Variants in DIS3 observed in about 807,000 individuals in gnomAD.
DIS3 encodes DIS3 exosome endoribonuclease and 3'-5' exoribonuclease.
DIS3 carries 103 observed loss-of-function variants against 113.0 expected under a neutral mutation model. The observed-to-expected ratio is 0.91, with a 90% CI of 0.78 to 1.07. The LOEUF is 1.07. Among genes scored for constraint, DIS3 ranks in the 50% least tolerant of loss-of-function variants. DIS3 has a pLI of 0.00. For synonymous variants in DIS3, 402 were observed against 394.3 expected (o/e 1.02, Z -0.23); for missense variants, 1,121 against 1,167.1 (o/e 0.96, Z 0.58).
chr13:72,763,709 A>G, intron 15 of DIS3, 102 bp from the exon 16 acceptor site: 1 of 1,160,262 alleles, frequency 8.6e-7, no homozygotes, highest in South Asian at 1.6e-5. Flanking sequence ...AGATAATAAG[A>G]GCATTTCCTA....
chr13:72,776,205 C>T, intron 4 of DIS3, 113 bp from the exon 5 acceptor site: 1 of 1,013,030 alleles, frequency 9.9e-7, no homozygotes. Context: ...ATACACAACT[C>T]TGAATAGGAG....
chr13:72,752,478 G>A lies in DIS3; in HGVS notation c.*7317C>T, dbSNP rs1444202865. ...CTCCCCGCATGCCTTACTTCCTGCT[G>A]TACTAATGAGTAACTCTTCCCTCCA... On this transcript the variant is annotated 3_prime_UTR_variant, in exon 21 of 21. Coordinates refer to ENST00000377767, the MANE Select transcript of DIS3 (RefSeq NM_014953.5). 6.6e-6 allele frequency: 1 copy of A among 152,160 alleles called. No individual in the cohort carries two copies. Among genetic ancestry groups the A allele is most frequent in the Non-Finnish European group, 1.5e-5 (1 of 68,036 alleles). 9.4% of individuals were successfully genotyped at this position (152,160 alleles called of 1,614,324 possible).
chr13:72,774,075 TA>T lies in DIS3; in HGVS notation c.988-17del. The T allele has an allele frequency of 2.6e-6, 4 of 1,541,080 alleles. No individual in the cohort carries two copies. The highest frequency in any genetic ancestry group is 3.5e-6 in the Non-Finnish European group (4 of 1,136,336). On this transcript the variant is annotated splice_polypyrimidine_tract_variant and intron_variant, in intron 6 of 20. Transcript: ENST00000377767. The stretch of plus-strand genomic sequence containing the variant: ...CAGTCTTAAGCTGAGATATAAAAAT[TA>T]AAATGTTCAGTTATATTCCTCTAAG...
chr13:72,754,026 G>C lies in DIS3; in HGVS notation c.*5769C>G. 1 of 489,356 alleles carries C rather than the reference G, an allele frequency of 2.0e-6. No individual in the cohort carries two copies. 30.3% of individuals were successfully genotyped at this position (489,356 alleles called of 1,614,324 possible). Reference sequence around the variant, plus strand: ...TCTTACATACTACAAAGTGTGCAAAGGTAGCGTGTATTTGATGAGGGCATT... The same window carrying C: ...TCTTACATACTACAAAGTGTGCAAACGTAGCGTGTATTTGATGAGGGCATT... On this transcript the variant is annotated 3_prime_UTR_variant, in exon 21 of 21. Transcript: ENST00000377767.
intron 5 of DIS3, among the ~76,000 whole-genome samples, 198 bp downstream of exon 5, chr13:72,775,727 T>A (rs1482674920): frequency 2.0e-5 from 3 of 151,764 alleles, no homozygotes; most frequent in Non-Finnish European, 2.9e-5. Flanking sequence ...GAATATTAAA[T>A]GAAATGCCAT....
At chr13:72,759,908 G>A (rs753366976) in intron 20 of DIS3, 30 bp from the exon 21 acceptor site, 2 of 1,544,978 alleles carry the variant, frequency 1.3e-6, no homozygotes, top group East Asian at 4.5e-5. Context: ...GGGAAATAAG[G>A]TGATTTAAAG....
At chr13:72,769,992 G>A (rs1461402553) in intron 13 of DIS3, among the ~76,000 whole-genome samples, 3 of 152,130 alleles carry the variant, frequency 2.0e-5, no homozygotes, top group Admixed American at 1.3e-4. Context: ...AAGATAACCT[G>A]GCTCCATTAT....
chr13:72,773,735 C>T lies in DIS3; in HGVS notation c.1188G>A (p.Arg396=). The part of the protein sequence containing the change: ...ETRQASTLEG[R]RIIVAIDGWP... ...AACCATCAATAGCAACAATAATTCT[C>T]CGTCCTTCTAATGTGGAAGCCTGTC... The change falls in exon 8 of 21, where the codon CGG becomes CGA. Residue 396 remains arginine (R), a synonymous_variant. Transcript: ENST00000377767. 1 of 1,613,924 alleles carries T rather than the reference C, an allele frequency of 6.2e-7. No individual in the cohort carries two copies. The highest frequency in any genetic ancestry group is 8.5e-7 in the Non-Finnish European group (1 of 1,179,948).
chr13:72,765,559 G>A (rs1326377874), intron 15 of DIS3, among the ~76,000 whole-genome samples: 2 of 152,134 alleles, frequency 1.3e-5, no homozygotes, highest in Admixed American at 6.6e-5. Context: ...TAGGACTGGC[G>A]CTCCAATGGG....
At position 72,754,087 on chromosome 13, in the gene DIS3, C is replaced by G. The variant is rs2033364439; in HGVS notation, c.*5708G>C. Reference sequence around the variant, plus strand: ...TCCAGGTGGTGGTTATATATTCATACTTGAAGAAACTCATCATAATTTCAG... The same window carrying G: ...TCCAGGTGGTGGTTATATATTCATAGTTGAAGAAACTCATCATAATTTCAG... On this transcript the variant is annotated 3_prime_UTR_variant, in exon 21 of 21. Transcript: ENST00000377767. 1 of 283,388 alleles carries G rather than the reference C, an allele frequency of 3.5e-6. No homozygotes were observed. The highest frequency in any genetic ancestry group is 6.6e-6 in the Non-Finnish European group (1 of 152,134). The allele number at this position is 283,388 out of a possible 1,614,324, so 17.6% of individuals were successfully genotyped here.
At chr13:72,777,333 A>C in intron 4 of DIS3, 87 bp downstream of exon 4, 5 of 1,338,006 alleles carry the variant, frequency 3.7e-6, no homozygotes, top group Non-Finnish European at 5.2e-6. Flanking sequence ...CCGACATTCC[A>C]ATTTTTAAAT....
chr13:72,775,217 T>A lies in DIS3; in HGVS notation c.981A>T (p.Glu327Asp). The change falls in exon 6 of 21, where the codon GAA (glutamate) becomes GAT (aspartate). Residue 327 changes from glutamate to aspartate, a missense_variant. Physicochemically the swap from Glu to Asp is conservative, Grantham distance 45 (BLOSUM62 2). Around this residue, in one of 3 missense-constraint regions of DIS3, gnomAD observed 861 missense variants for 915.5 expected, o/e 0.94. Coordinates refer to ENST00000377767, the MANE Select transcript of DIS3 (RefSeq NM_014953.5). ...ATCCTGCTTAGATTCATACCATTCG[T>A]TCTGTCTCTTCTTCTTTCTCCACAT... Reference protein sequence around the residue: ...EEDVEKEEETERMLKTAVSEK... With the variant: ...EEDVEKEEETDRMLKTAVSEK... 6 of 1,612,068 alleles carry A rather than the reference T, an allele frequency of 3.7e-6. No homozygotes were observed. The highest frequency in any genetic ancestry group is 5.1e-6 in the Non-Finnish European group (6 of 1,179,114).
At chr13:72,777,331 C>A in intron 4 of DIS3, 89 bp downstream of exon 4, 1 of 1,296,634 alleles carries the variant, frequency 7.7e-7, no homozygotes, top group African/African-American at 1.5e-5. Context: ...CACCGACATT[C>A]CAATTTTTAA....
chr13:72,755,701 G>A lies in DIS3; in HGVS notation c.*4094C>T, dbSNP rs2033444565. 7.6e-6 allele frequency: 3 copies of A among 396,118 alleles called. No individual in the cohort carries two copies. The highest frequency in any genetic ancestry group is 1.3e-5 in the Non-Finnish European group (3 of 225,128). The allele number at this position is 396,118 out of a possible 1,614,324, so 24.5% of individuals were successfully genotyped here. A position where few individuals can be genotyped will look rare whatever the true frequency, so the allele number is the denominator to read the frequency against. On this transcript the variant is annotated 3_prime_UTR_variant, in exon 21 of 21. Coordinates refer to ENST00000377767, the MANE Select transcript of DIS3 (RefSeq NM_014953.5). ...TCAAAGATACAAAAGAAATTAAACAGGTTTCCTGAAATTTTAGTTCTTGGT... is the reference window on the plus strand; with the variant it reads ...TCAAAGATACAAAAGAAATTAAACAAGTTTCCTGAAATTTTAGTTCTTGGT...
Position 72,775,272 on chromosome 13 carries a change from A to G in DIS3, c.926T>C (p.Val309Ala). ...TTCATTTTGACCTTCATCATGTAAA[A>G]CCACAGAAGATGGTGCTACCCACTG... The part of the protein sequence containing the change: ...KSQWVAPSSV[V>A]LHDEGQNEED... Residue 309 changes from valine (V) to alanine (A), a missense_variant, in exon 6 of 21, where the codon GTT becomes GCT. By Grantham distance (64) the Val-to-Ala change is moderately conservative (BLOSUM62 0). Transcript: ENST00000377767. 1 of 1,613,576 alleles carries G rather than the reference A, an allele frequency of 6.2e-7. No homozygotes were observed. The highest frequency in any genetic ancestry group is 8.5e-7 in the Non-Finnish European group (1 of 1,179,686).
At chr13:72,771,919 G>T (rs778012958) in intron 10 of DIS3, 23 bp from the exon 11 acceptor site, 10 of 1,604,214 alleles carry the variant, frequency 6.2e-6, no homozygotes, top group Non-Finnish European at 7.7e-6. Context: ...AAAATAAAAG[G>T]ATGTCAATAT....
At position 72,778,214 on chromosome 13, in the gene DIS3, T is replaced by C. The variant is rs1271348629; in HGVS notation, c.553A>G (p.Ile185Val). The C allele has an allele frequency of 3.1e-6, 5 of 1,598,478 alleles. No individual in the cohort carries two copies. The highest frequency in any genetic ancestry group is 1.7e-5 in the Admixed American group (1 of 59,882). ...TNDRRNKEKAIEEGIPAFTCE... is the reference protein window; with the variant it reads ...TNDRRNKEKAVEEGIPAFTCE... ...GTGAAAGCTGGTATTCCTTCTTCTA[T>C]GGCTTTCTCTTTGTTTCTCCTGTCA... is the stretch of plus-strand genomic sequence containing the variant. Residue 185 changes from isoleucine to valine, a missense_variant, in exon 3 of 21, where the codon ATA becomes GTA. Around this residue, in one of 3 missense-constraint regions of DIS3, gnomAD observed 6 missense variants for 19.4 expected, o/e 0.31. Transcript: ENST00000377767.
At chr13:72,772,866 C>T (rs368090469) in intron 8 of DIS3, 27 bp from the exon 9 acceptor site, 100 of 1,557,156 alleles carry the variant, frequency 6.4e-5, no homozygotes, top group African/African-American at 4.0e-4. Context: ...TTATTAGAAA[C>T]GCCTATTTTA....
intron 14 of DIS3, among the ~76,000 whole-genome samples, chr13:72,767,158 T>G (rs1174197059): frequency 6.7e-6 from 1 of 149,446 alleles, no homozygotes; most frequent in African/African-American, 2.4e-5. Context: ...CAAAAGACGG[T>G]TTTTTTTTCT....
Sources: gnomAD v4.1 joint callset for allele counts (sites outside exome capture counted in the v4.1 genomes callset) on GRCh38, gnomAD v4.1.1 for gene constraint, gnomAD v4.1.1 regional missense constraint, MANE v1.5 for transcripts, NCBI Gene and HGNC (gene_info 2026-07-23, HGNC 2026-07-21) for gene names.